The following FCHO2 variants were observed in gnomAD, a reference collection of about 807,000 sequenced individuals.
The protein encoded by FCHO2 is F-BAR domain only protein 2.
Under a neutral mutation model 114.1 loss-of-function variants are expected in FCHO2, and 43 were observed. The ratio of observed to expected loss-of-function variants is 0.38; its 90% CI spans 0.30 to 0.49. FCHO2 has a LOEUF of 0.49. Ranked by LOEUF, FCHO2 falls within the 20% of genes least tolerant of loss-of-function variation. The pLI is 0.97. For missense variants in FCHO2, 807 were observed against 950.4 expected, an observed-to-expected ratio of 0.85 and a Z score of 1.98; for synonymous variants, 293 against 315.2, an observed-to-expected ratio of 0.93 and a Z score of 0.75.
intron 8 of FCHO2, among the ~76,000 whole-genome samples, chr5:73,030,936 A>C (rs977134826): frequency 2.6e-5 from 4 of 152,226 alleles, no homozygotes; most frequent in African/African-American, 7.2e-5. Context: ...AAAAGAAAAA[A>C]ATTGTATAAG....
In FCHO2 at chr5:73,047,985, C is replaced by T. The variant is rs553317579; in HGVS notation, c.940-3364C>T. On this transcript the variant is annotated intron_variant, in intron 11 of 25. Transcript: ENST00000430046. Reference sequence around the variant, plus strand: ...CTAGTAGCTGGGCTGCAGGTGCATGCCTCCATGCTCAGCTGATGTTTTAAT... The same window carrying T: ...CTAGTAGCTGGGCTGCAGGTGCATGTCTCCATGCTCAGCTGATGTTTTAAT... Among the ~76,000 whole-genome samples, 8 of 152,098 alleles carry T rather than the reference C, an allele frequency of 5.3e-5. No homozygotes were observed. In the South Asian group the frequency reaches 1.7e-3, roughly 32 times the overall value.
At position 73,026,303 on chromosome 5, in the gene FCHO2, C is replaced by G. The variant is rs543026320; in HGVS notation, c.797-8354C>G. On this transcript the variant is annotated intron_variant, in intron 8 of 25. Coordinates refer to ENST00000430046, the MANE Select transcript of FCHO2 (RefSeq NM_138782.3). ...TGGACAATGTGGTGAAACCCTGTCT[C>G]TACTAAAAATACAAAACTTAGCTGG... 1.6e-3 allele frequency among the ~76,000 whole-genome samples: 248 copies of G among 152,036 alleles called. 1 individual carries two copies. Among genetic ancestry groups the G allele is most frequent in the Admixed American group, 5.6e-3 (85 of 15,270 alleles).
At chr5:72,997,542 A>G (rs1754186085) in intron 5 of FCHO2, 2 of 1,341,830 alleles carry the variant, frequency 1.5e-6, no homozygotes, top group Non-Finnish European at 2.1e-6. Flanking sequence ...GACCCCAGTG[A>G]CACAACCCTT....
At position 73,047,451 on chromosome 5, in the gene FCHO2, CCTT is replaced by C. The variant is rs929723896; in HGVS notation, c.940-3894_940-3892del. Among the ~76,000 whole-genome samples the C allele has an allele frequency of 8.7e-4, 132 of 151,836 alleles. 1 individual carries two copies. Among genetic ancestry groups the C allele is most frequent in the African/African-American group, 3.1e-3 (129 of 41,420 alleles). ...GATGTATGTTTGTGTTCTTATTTGC[CCTT>C]CTTACTTAAAAGTTATAATACTATA... On this transcript the variant is annotated intron_variant, in intron 11 of 25. Coordinates refer to ENST00000430046, the MANE Select transcript of FCHO2 (RefSeq NM_138782.3).
chr5:72,994,922 T>G (rs150229082), intron 5 of FCHO2, among the ~76,000 whole-genome samples: 1,625 of 151,206 alleles, frequency 0.011, 61 homozygotes, highest in Admixed American at 0.071. Flanking sequence ...TGAGAACACA[T>G]AGAGAGGAAC....
At chr5:72,956,993 A>G (rs936264007) in intron 1 of FCHO2, among the ~76,000 whole-genome samples, 21 of 152,186 alleles carry the variant, frequency 1.4e-4, no homozygotes, top group African/African-American at 5.1e-4. Context: ...ATGCCCTGAC[A>G]GTTGCAAGTA....
At chr5:72,971,475 G>GTT (rs930709068) in intron 2 of FCHO2, among the ~76,000 whole-genome samples, 9 of 152,190 alleles carry the variant, frequency 5.9e-5, no homozygotes, top group Non-Finnish European at 1.0e-4. Flanking sequence ...TTTTTCATGT[G>GTT]TTTTTTGGCT....
chr5:73,068,975 A>G (rs1160856002), intron 19 of FCHO2, among the ~76,000 whole-genome samples, 196 bp downstream of exon 19: 1 of 152,150 alleles, frequency 6.6e-6, no homozygotes, highest in Admixed American at 6.6e-5. Context: ...GGATAGAAGA[A>G]TTTTAACTGT....
At chr5:72,960,707 TA>T (rs1751810167) in intron 1 of FCHO2, among the ~76,000 whole-genome samples, 2 of 152,138 alleles carry the variant, frequency 1.3e-5, no homozygotes, top group South Asian at 4.1e-4. Context: ...TATTTTTATG[TA>T]AACCCAGATT....
chr5:73,045,448 C>T (rs1366359865), intron 11 of FCHO2, among the ~76,000 whole-genome samples: 1 of 152,108 alleles, frequency 6.6e-6, no homozygotes, highest in Non-Finnish European at 1.5e-5. Context: ...TTTTTTATTG[C>T]TGAGTAGTAG....
intron 5 of FCHO2, among the ~76,000 whole-genome samples, chr5:73,004,454 A>G (rs1754608070): frequency 6.6e-6 from 1 of 152,204 alleles, no homozygotes; most frequent in Non-Finnish European, 1.5e-5. Flanking sequence ...TAGGCAGCTC[A>G]ATACAACTCA....
chr5:72,996,165 C>T lies in FCHO2; in HGVS notation c.495+5301C>T, dbSNP rs548899186. On this transcript the variant is annotated intron_variant, in intron 5 of 25. Transcript: ENST00000430046. ...GGCTAAGGCAGGAGAATCACTTGAA[C>T]CCGGGAGTTAGAGGTTGCAGTGAGC... 4.0e-5 allele frequency among the ~76,000 whole-genome samples: 6 copies of T among 148,362 alleles called. No homozygotes were observed. The South Asian group carries it at 1.3e-3, about 31-fold the overall frequency.
chr5:72,982,018 T>C (rs1753238865), intron 2 of FCHO2, among the ~76,000 whole-genome samples: 1 of 152,142 alleles, frequency 6.6e-6, no homozygotes, highest in South Asian at 2.1e-4. Flanking sequence ...CCTTTGTGCT[T>C]GAAACCCAGG....
Position 73,075,692 on chromosome 5 carries a change from G to A in FCHO2, c.1691+839G>A, listed in dbSNP as rs898437534. On this transcript the variant is annotated intron_variant, in intron 20 of 25. Coordinates refer to ENST00000430046, the MANE Select transcript of FCHO2 (RefSeq NM_138782.3). ...CAGAATTGATGCAGAGAGAAAGTTA[G>A]AAAATTAATTACAGAAGTCCAGGTG... 9.2e-5 allele frequency among the ~76,000 whole-genome samples: 14 copies of A among 152,236 alleles called. No individual in the cohort carries two copies. The Middle Eastern group carries it at 0.01, about 111-fold the overall frequency.
chr5:73,020,796 A>G (rs1240674754), intron 8 of FCHO2: 6 of 946,136 alleles, frequency 6.3e-6, no homozygotes, highest in Admixed American at 1.7e-5. Flanking sequence ...CATCCTGATC[A>G]GCCTCTTGAA....
In FCHO2 at chr5:73,054,190, AT is replaced by A; in HGVS notation, c.1185+24del. 3 of 1,512,536 alleles carry A rather than the reference AT, an allele frequency of 2.0e-6. No homozygotes were observed. The highest frequency in any genetic ancestry group is 2.7e-6 in the Non-Finnish European group (3 of 1,126,316). The allele number at this position is 1,512,536 out of a possible 1,614,324, so 93.7% of individuals were successfully genotyped here. A position where few individuals can be genotyped will look rare whatever the true frequency, so the allele number is the denominator to read the frequency against. On this transcript the variant is annotated intron_variant, in intron 14 of 25. Transcript: ENST00000430046. ...CAGTCCAGTAAGTACAAGATTTTAT[AT>A]TTTTGCCCATTGACTTTTAAAATCA...
chr5:72,997,123 A>G, intron 5 of FCHO2: 2 of 1,131,924 alleles, frequency 1.8e-6, no homozygotes, highest in Non-Finnish European at 2.7e-6. Flanking sequence ...CGGATGAGAT[A>G]CTTATTCACT....
intron 16 of FCHO2, 94 bp from the exon 17 acceptor site, chr5:73,058,339 G>A (rs1293596882): frequency 1.1e-6 from 1 of 881,152 alleles, no homozygotes; most frequent in African/African-American, 1.7e-5. Flanking sequence ...ATATTGAGCT[G>A]TTAGAATTCT....
At chr5:72,988,827 A>T (rs1210349824) in intron 2 of FCHO2, among the ~76,000 whole-genome samples, 2 of 152,252 alleles carry the variant, frequency 1.3e-5, no homozygotes, top group Admixed American at 6.5e-5. Context: ...GCTTACAGAG[A>T]CAGAGAGAAT....
Sources: gnomAD v4.1 joint callset for allele counts (sites outside exome capture counted in the v4.1 genomes callset) on GRCh38, gnomAD v4.1.1 for gene constraint, MANE v1.5 for transcripts, NCBI Gene and HGNC (gene_info 2026-07-23, HGNC 2026-07-21) for gene names.